SLC35B4: variants seen among roughly 807,000 people sequenced by gnomAD.
SLC35B4 encodes the protein nucleotide sugar transporter SLC35B4.
A neutral mutation model predicts 39.5 loss-of-function variants in SLC35B4; 28 were observed. The ratio of observed to expected loss-of-function variants is 0.71; its 90% confidence interval spans 0.53 to 0.97. The LOEUF is 0.97. Among genes scored for constraint, SLC35B4 ranks in the 50% least tolerant of loss-of-function variants. The pLI, the probability that SLC35B4 is intolerant of heterozygous loss-of-function variation, is 0.00. For missense variants in SLC35B4, 334 were observed against 414.3 expected, an observed-to-expected ratio of 0.81 and a Z score of 1.68; for synonymous variants, 145 against 150.4, an observed-to-expected ratio of 0.96 and a Z score of 0.26.
At chr7:134,303,562 G>A (rs1382881220) in intron 4 of SLC35B4, among the ~76,000 whole-genome samples, 2 of 151,948 alleles carry the variant, frequency 1.3e-5, no homozygotes, top group Non-Finnish European at 2.9e-5. Context: ...GGAGATAAAC[G>A]GTCCATGATA....
intron 4 of SLC35B4, 133 bp from the exon 5 acceptor site, chr7:134,302,243 A>G: frequency 1.4e-6 from 1 of 719,896 alleles, no homozygotes; most frequent in Non-Finnish European, 2.3e-6. Context: ...ACTTTCCAGC[A>G]GAGTCCACAG....
At position 134,302,190 on chromosome 7, in the gene SLC35B4, G is replaced by A. The variant is rs958441393; in HGVS notation, c.345-80C>T. The A allele has an allele frequency of 2.9e-5, 35 of 1,207,376 alleles. No homozygotes were observed. The African/African-American group carries it at 5.2e-4, about 18-fold the overall frequency. The allele number at this position is 1,207,376 out of a possible 1,614,324, so 74.8% of individuals were successfully genotyped here. ...TTCCCAGTGATATTTACAGTCAGAT[G>A]GTGCATGAAAGTACAAATCACTAAA... On this transcript the variant is annotated intron_variant, in intron 4 of 9. Transcript: ENST00000378509.
In SLC35B4 at chr7:134,294,788, G is replaced by C; in HGVS notation, c.*45C>G. On this transcript the variant is annotated 3_prime_UTR_variant, in exon 10 of 10. Transcript: ENST00000378509. ...GAAACGGTGGTCAGACCTTCACAGGGTCCCACCCTCACGACGACACTGGTC... is the reference window on the plus strand; with the variant it reads ...GAAACGGTGGTCAGACCTTCACAGGCTCCCACCCTCACGACGACACTGGTC... 3 of 1,605,176 alleles carry C rather than the reference G, an allele frequency of 1.9e-6. No individual in the cohort carries two copies. The highest frequency in any genetic ancestry group is 2.6e-6 in the Non-Finnish European group (3 of 1,174,624).
At position 134,306,674 on chromosome 7, in the gene SLC35B4, A is replaced by G; in HGVS notation, c.292T>C (p.Ser98Pro). 6.2e-7 allele frequency: 1 copy of G among 1,613,290 alleles called. No homozygotes were observed. The change falls in exon 3 of 10, where the codon TCC becomes CCC. Residue 98 changes from serine (S) to proline (P), a missense_variant and splice_region_variant. Physicochemically the swap from Ser to Pro is moderately conservative, Grantham distance 74. Transcript: ENST00000378509. ...ACACGTGATCCGGCAGCACTTACGG[A>G]TCTAAATATCATATGCAGGGGCATG... ...IAMPLHMIFR[S>P]GSLIANMILG...
rs1388443655 is a variant in SLC35B4, at chr7:134,304,807, T to C, written c.342A>G (p.Lys114=). ...NMILGIIILK[K]RYSIFKYTSI... ...AAATACAGAAGTGTATTGTTTACCT[T>C]TTCTTCAAAATGATAATTCCTAGAA... is the stretch of plus-strand genomic sequence containing the variant. Residue 114 remains lysine, a splice_region_variant and synonymous_variant, in exon 4 of 10, where the codon AAA becomes AAG. Coordinates refer to ENST00000378509, the MANE Select transcript of SLC35B4 (RefSeq NM_032826.5). 6.8e-6 allele frequency: 11 copies of C among 1,609,228 alleles called. No homozygotes were observed. Among genetic ancestry groups the C allele is most frequent in the East Asian group, 6.7e-5 (3 of 44,846 alleles).
At chr7:134,308,645 A>C (rs1803765720) in intron 2 of SLC35B4, among the ~76,000 whole-genome samples, 1 of 152,230 alleles carries the variant, frequency 6.6e-6, no homozygotes, top group Non-Finnish European at 1.5e-5. Context: ...TCACACCAGA[A>C]TGTCGCTCTA....
rs768567411 is a variant in SLC35B4 at position 134,299,593 on chromosome 7, G to A, written c.603C>T (p.Ala201=). ...AGAAGACGAAACCCGGAAGTGGAAG[G>A]GCGTGCTATGGAAAGAAACAGGTCA... is the stretch of plus-strand genomic sequence containing the variant. ...HSKEALFYNH[A]LPLPGFVFLA... Residue 201 remains alanine, a synonymous_variant, in exon 8 of 10, where the codon GCC becomes GCT. Transcript: ENST00000378509. The A allele has an allele frequency of 1.4e-5, 22 of 1,613,440 alleles. No homozygotes were observed. The highest frequency in any genetic ancestry group is 1.9e-5 in the Non-Finnish European group (22 of 1,179,534).
chr7:134,301,943 A>C, intron 5 of SLC35B4, 86 bp downstream of exon 5: 2 of 1,513,830 alleles, frequency 1.3e-6, no homozygotes, highest in Non-Finnish European at 1.8e-6. Flanking sequence ...TCTTTGTATT[A>C]CATAAAAATT....
chr7:134,315,534 G>C (rs73443159), intron 1 of SLC35B4, among the ~76,000 whole-genome samples: 3,347 of 151,608 alleles, frequency 0.022, 151 homozygotes, highest in African/African-American at 0.078. Context: ...TTACCTTCAA[G>C]CTAAGGTTAT....
At chr7:134,301,886 G>A in intron 5 of SLC35B4, 65 bp from the exon 6 acceptor site, 8 of 1,537,464 alleles carry the variant, frequency 5.2e-6, no homozygotes, top group Non-Finnish European at 6.3e-6. Flanking sequence ...CGACATACAA[G>A]GGAAACATTT....
At chr7:134,318,482 T>C (rs913090932), upstream of SLC35B4, among the ~76,000 whole-genome samples, 2 of 139,910 alleles carry the variant, frequency 1.4e-5, no homozygotes, top group Non-Finnish European at 3.3e-5. Flanking sequence ...CACACATATA[T>C]ATATATATAT....
At chr7:134,318,393 T>C (rs142611994), upstream of SLC35B4, among the ~76,000 whole-genome samples, 1,643 of 116,766 alleles carry the variant, frequency 0.014, 26 homozygotes, top group African/African-American at 0.042. Context: ...TGCACAGTGC[T>C]GGCACATTAA....
rs1451851861 is a variant in SLC35B4 at position 134,292,185 on chromosome 7, A to C, written c.*2648T>G. On this transcript the variant is annotated 3_prime_UTR_variant, in exon 10 of 10. Transcript: ENST00000378509. ...AGTCTGATCTTCTACAAAATAGTTT[A>C]TTTGTCTTTTTAATAAAGGTTGAAA... is the stretch of plus-strand genomic sequence containing the variant. 1 of 154,092 alleles carries C rather than the reference A, an allele frequency of 6.5e-6. No homozygotes were observed. Among genetic ancestry groups the C allele is most frequent in the African/African-American group, 2.4e-5 (1 of 41,024 alleles). The allele number at this position is 154,092 out of a possible 1,614,324, so 9.5% of individuals were successfully genotyped here. A position where few individuals can be genotyped will look rare whatever the true frequency, so the allele number is the denominator to read the frequency against.
At chr7:134,318,352 T>C (rs1169072186), upstream of SLC35B4, among the ~76,000 whole-genome samples, 2 of 152,060 alleles carry the variant, frequency 1.3e-5, no homozygotes, top group African/African-American at 2.4e-5. Context: ...ACCTGTGAAA[T>C]TCAGTATTTA....
At position 134,291,005 on chromosome 7, in the gene SLC35B4, T is replaced by C. The variant is rs1803319552; in HGVS notation, c.*3828A>G. On this transcript the variant is annotated 3_prime_UTR_variant, in exon 10 of 10. Transcript: ENST00000378509. The stretch of plus-strand genomic sequence containing the variant: ...GGTTTATTATTCCTGACCTAAGGTG[T>C]TTTACTTCCCCTCTCCATAGGTATC... 1 of 152,186 alleles carries C rather than the reference T, an allele frequency of 6.6e-6. No homozygotes were observed. The highest frequency in any genetic ancestry group is 2.1e-4 in the South Asian group (1 of 4,834). The allele number at this position is 152,186 out of a possible 1,614,324, so 9.4% of individuals were successfully genotyped here.
chr7:134,309,491 A>C lies in SLC35B4; in HGVS notation c.78-12T>G. 1 of 1,588,102 alleles carries C rather than the reference A, an allele frequency of 6.3e-7. No individual in the cohort carries two copies. The highest frequency in any genetic ancestry group is 8.6e-7 in the Non-Finnish European group (1 of 1,163,990). ...ATCCTGGATGCTTCCTGTATAGTGA[A>C]TAATAAAAGAGGGGGTGAAGGCACA... On this transcript the variant is annotated splice_polypyrimidine_tract_variant and intron_variant, in intron 1 of 9. Transcript: ENST00000378509.
intron 3 of SLC35B4, among the ~76,000 whole-genome samples, chr7:134,305,087 C>T (rs1038214300): frequency 1.3e-5 from 2 of 152,118 alleles, no homozygotes; most frequent in African/African-American, 4.8e-5. Context: ...TTTGAGAAGC[C>T]GAGGTGGGCG....
At chr7:134,303,839 A>G (rs1489757174) in intron 4 of SLC35B4, among the ~76,000 whole-genome samples, 1 of 152,158 alleles carries the variant, frequency 6.6e-6, no homozygotes, top group Non-Finnish European at 1.5e-5. Context: ...GAACCTCAGA[A>G]TGAAGGTGAC....
At position 134,291,600 on chromosome 7, in the gene SLC35B4, C is replaced by T. The variant is rs563234580; in HGVS notation, c.*3233G>A. 2 of 152,260 alleles carry T rather than the reference C, an allele frequency of 1.3e-5. No individual in the cohort carries two copies. Among genetic ancestry groups the T allele is most frequent in the Admixed American group, 1.3e-4 (2 of 15,298 alleles). The allele number at this position is 152,260 out of a possible 1,614,324, so 9.4% of individuals were successfully genotyped here. ...GAGGTTTACTCTGGGTGGCACAGAC[C>T]AATTCAGCTTTCATGGTCTTCCTCC... On this transcript the variant is annotated 3_prime_UTR_variant, in exon 10 of 10. Transcript: ENST00000378509.
Sources: allele counts gnomAD v4.1 joint callset (sites outside exome capture counted in the v4.1 genomes callset), GRCh38; gene constraint gnomAD v4.1.1; transcripts MANE v1.5; gene names NCBI Gene and HGNC (gene_info 2026-07-23, HGNC 2026-07-21).